PRPF18: variants seen among roughly 807,000 people sequenced by gnomAD.
PRPF18 encodes the protein pre-mRNA processing factor 18, also known as pre-mRNA-splicing factor 18.
A neutral mutation model predicts 46.5 loss-of-function variants in PRPF18; 38 were observed. That is an observed-to-expected ratio of 0.82 (90% CI 0.63 to 1.07). PRPF18 has a LOEUF of 1.07. PRPF18 is among the 50% of genes least tolerant of loss of function. The probability of loss-of-function intolerance (pLI) is 0.00; values close to 1 mark genes in which losing one functional copy is unlikely to be tolerated. For synonymous variants in PRPF18, 152 were observed against 146.7 expected (o/e 1.04, Z -0.26); for missense variants, 263 against 410.0 (o/e 0.64, Z 3.10).
chr10:13,611,875 T>C (rs1564457577), intron 6 of PRPF18, among the ~76,000 whole-genome samples, 192 bp downstream of exon 6: 1 of 151,856 alleles, frequency 6.6e-6, no homozygotes, highest in Non-Finnish European at 1.5e-5. Flanking sequence ...TTTACTTTTC[T>C]TGTGGCTTTT....
intron 9 of PRPF18, among the ~76,000 whole-genome samples, chr10:13,620,453 A>T (rs1564461392): frequency 6.6e-6 from 1 of 152,250 alleles, no homozygotes; most frequent in Non-Finnish European, 1.5e-5. Context: ...CAAACATTGT[A>T]GTGCTTGAAG....
chr10:13,623,250 C>T (rs962123328), intron 9 of PRPF18, among the ~76,000 whole-genome samples: 2 of 151,688 alleles, frequency 1.3e-5, no homozygotes, highest in Non-Finnish European at 2.9e-5. Flanking sequence ...GAAGTATTGG[C>T]GTTTTAATGC....
At chr10:13,626,472 A>G (rs1347535386) in intron 9 of PRPF18, among the ~76,000 whole-genome samples, 2 of 152,222 alleles carry the variant, frequency 1.3e-5, no homozygotes, top group African/African-American at 4.8e-5. Context: ...TGTAGCCTTT[A>G]TAAGGAAAAC....
At chr10:13,642,072 G>C in the PRPF18 span, 1 of 152,208 alleles carries the variant, frequency 6.6e-6, no homozygotes, top group African/African-American at 2.4e-5. Flanking sequence ...ACTTTGCTGG[G>C]AGCATGACTT....
In PRPF18 at chr10:13,587,037, G is replaced by A. The variant is rs750788775; in HGVS notation, c.-50G>A. The A allele has an allele frequency of 6.3e-7, 1 of 1,587,784 alleles. No individual in the cohort carries two copies. Among genetic ancestry groups the A allele is most frequent in the South Asian group, 1.1e-5 (1 of 90,518 alleles). On this transcript the variant is annotated 5_prime_UTR_variant, in exon 1 of 10. Transcript: ENST00000378572. ...TCGCGGCCGCCGGCCCAGTGAGGCT[G>A]GGTTCGAGGAGCTGGAGCGGGAAAC...
the PRPF18 span, chr10:13,648,525 G>C: frequency 1.3e-5 from 2 of 152,168 alleles, no homozygotes; most frequent in African/African-American, 2.4e-5. Flanking sequence ...CAACGGGGCC[G>C]GGCCAATGAG....
chr10:13,649,767 C>A, the PRPF18 span: 1 of 152,168 alleles, frequency 6.6e-6, no homozygotes, highest in African/African-American at 2.4e-5. Flanking sequence ...TTCAATTTTC[C>A]GGTAGTAGTC....
rs192248236 is a variant in PRPF18 at position 13,587,235 on chromosome 10, C to T, written c.66+83C>T. On this transcript the variant is annotated intron_variant, in intron 1 of 9. Transcript: ENST00000378572. ...GTTTTGGGGTGAGGGTGACGATACT[C>T]AGAGGATTCGGGGCGGGGACGGGGC... 44 of 1,428,564 alleles carry T rather than the reference C, an allele frequency of 3.1e-5. 1 individual carries two copies. The East Asian group carries it at 4.3e-4, about 14-fold the overall frequency. The allele number at this position is 1,428,564 out of a possible 1,614,324, so 88.5% of individuals were successfully genotyped here.
chr10:13,600,480 G>T, intron 3 of PRPF18, 132 bp downstream of exon 3: 1 of 608,348 alleles, frequency 1.6e-6, no homozygotes, highest in East Asian at 3.3e-5. Context: ...TGTGCAGCTA[G>T]TTTTCTTCAT....
At chr10:13,624,054 G>A (rs1315283965) in intron 9 of PRPF18, among the ~76,000 whole-genome samples, 45 of 152,286 alleles carry the variant, frequency 3.0e-4, no homozygotes. Flanking sequence ...GCATGATCTT[G>A]GCTCACTGCA....
chr10:13,645,721 A>T, the PRPF18 span: 1 of 152,500 alleles, frequency 6.6e-6, no homozygotes, highest in East Asian at 1.9e-4. Context: ...TTTCTACCTA[A>T]GGGCATAGTT....
chr10:13,593,388 T>C (rs2079991395), intron 1 of PRPF18, among the ~76,000 whole-genome samples: 1 of 152,176 alleles, frequency 6.6e-6, no homozygotes, highest in Non-Finnish European at 1.5e-5. Context: ...GTCAGAGAAG[T>C]CTCTTTGGAT....
intron 4 of PRPF18, among the ~76,000 whole-genome samples, 197 bp from the exon 5 acceptor site, chr10:13,609,842 A>G (rs1051928400): frequency 6.6e-6 from 1 of 152,238 alleles, no homozygotes; most frequent in African/African-American, 2.4e-5. Context: ...TTTAATTTAA[A>G]TAGGTCCGTA....
chr10:13,588,424 C>G (rs1264973602), intron 1 of PRPF18, among the ~76,000 whole-genome samples: 1 of 148,232 alleles, frequency 6.7e-6, no homozygotes, highest in African/African-American at 2.6e-5. Flanking sequence ...AAAAAAAATT[C>G]CTTCTAGCCA....
At chr10:13,630,175 A>G in intron 9 of PRPF18, 85 bp from the exon 10 acceptor site, 1 of 1,142,822 alleles carries the variant, frequency 8.8e-7, no homozygotes. Context: ...GGGGACATTG[A>G]CAAACTGATA....
At chr10:13,652,456 T>C in the PRPF18 span, 433 of 164,740 alleles carry the variant, frequency 2.6e-3, 1 homozygote, top group South Asian at 0.014. Context: ...GAGAGGGATC[T>C]TGCAATCTGA....
the PRPF18 span, among the ~76,000 whole-genome samples, chr10:13,653,620 C>T: frequency 2.6e-5 from 4 of 152,234 alleles, no homozygotes; most frequent in African/African-American, 9.6e-5. Flanking sequence ...GATGCTCCAC[C>T]AAACCAGGAA....
At chr10:13,650,382 G>A in the PRPF18 span, among the ~76,000 whole-genome samples, 1 of 152,244 alleles carries the variant, frequency 6.6e-6, no homozygotes, top group Admixed American at 6.5e-5. Context: ...TAATGTATGT[G>A]TGTCCCTGCA....
intron 9 of PRPF18, among the ~76,000 whole-genome samples, chr10:13,626,913 A>G (rs2134034620): frequency 6.6e-6 from 1 of 151,804 alleles, no homozygotes; most frequent in Middle Eastern, 3.4e-3. Flanking sequence ...TGATGGTTCT[A>G]TATTCAAAGT....
Sources: gnomAD v4.1 joint callset for allele counts (sites outside exome capture counted in the v4.1 genomes callset) on GRCh38, gnomAD v4.1.1 for gene constraint, MANE v1.5 for transcripts, NCBI Gene and HGNC (gene_info 2026-07-23, HGNC 2026-07-21) for gene names.